MGAT1: variants seen among roughly 807,000 people sequenced by gnomAD.
MGAT1 encodes the protein alpha-1,3-mannosyl-glycoprotein 2-beta-N-acetylglucosaminyltransferase, also known as N-glycosyl-oligosaccharide-glycoprotein N-acetylglucosaminyltransferase I.
In MGAT1, 14 loss-of-function variants were observed where a neutral mutation model predicts 31.7. The observed-to-expected ratio is 0.44, with a 90% CI of 0.29 to 0.69. MGAT1 has a LOEUF of 0.69. MGAT1 is among the 30% of genes least tolerant of loss of function. The pLI, the probability that MGAT1 is intolerant of heterozygous loss-of-function variation, is 0.12. For synonymous variants in MGAT1, 338 were observed against 276.0 expected, an observed-to-expected ratio of 1.22 and a Z score of -2.23; for missense variants, 557 against 626.0, an observed-to-expected ratio of 0.89 and a Z score of 1.18.
Position 180,792,520 on chromosome 5 carries a change from G to C in MGAT1, c.452C>G (p.Ala151Gly). 1 of 1,613,014 alleles carries C rather than the reference G, an allele frequency of 6.2e-7. No homozygotes were observed. ...QDCGHEETAQAIASYGSAVTH... is the reference protein window; with the variant it reads ...QDCGHEETAQGIASYGSAVTH... Reference sequence around the variant, plus strand: ...GACCGCGCTGCCGTAGGAGGCGATGGCCTGGGCCGTCTCCTCGTGCCCGCA... The same window carrying C: ...GACCGCGCTGCCGTAGGAGGCGATGCCCTGGGCCGTCTCCTCGTGCCCGCA... The change falls in exon 2 of 2, where the codon GCC becomes GGC. Residue 151 changes from alanine (A) to glycine (G), a missense_variant. Transcript: ENST00000307826.
chr5:180,808,036 G>A lies in MGAT1; in HGVS notation c.-127+612C>T, dbSNP rs182522438. On this transcript the variant is annotated intron_variant, in intron 2 of 2. Transcript: ENST00000333055. ...GTCAGTTTTCCCCCATTTTGTAGGTGAAGAGAACATGGCCTGTGTAGGGTT... is the reference window on the plus strand; with the variant it reads ...GTCAGTTTTCCCCCATTTTGTAGGTAAAGAGAACATGGCCTGTGTAGGGTT... Among the ~76,000 whole-genome samples, 56 of 152,340 alleles carry A rather than the reference G, an allele frequency of 3.7e-4. 2 individuals are homozygous for A. In the East Asian group the frequency reaches 0.011, roughly 29 times the overall value.
At chr5:180,807,481 C>T (rs76424903), upstream of MGAT1, among the ~76,000 whole-genome samples, 511 of 152,182 alleles carry the variant, frequency 3.4e-3, 3 homozygotes, top group African/African-American at 0.011. Flanking sequence ...ATACAAAGGG[C>T]GAAGAGATGT....
Position 180,792,018 on chromosome 5 carries a change from A to T in MGAT1, c.954T>A (p.Gly318=). 1 of 1,613,934 alleles carries T rather than the reference A, an allele frequency of 6.2e-7. No homozygotes were observed. Among genetic ancestry groups the T allele is most frequent in the Non-Finnish European group, 8.5e-7 (1 of 1,179,990 alleles). ...GGTCAAAGAACTGCCCGTGGCTCAC[A>T]CCCTTGCGGCCAAAGGTCATCGTTC... The part of the protein sequence containing the change: ...ISRTMTFGRK[G]VSHGQFFDQH... The change falls in exon 2 of 2, where the codon GGT becomes GGA. Residue 318 remains glycine (G), a synonymous_variant. Coordinates refer to ENST00000307826, the MANE Select transcript of MGAT1 (RefSeq NM_002406.4).
Position 180,792,404 on chromosome 5 carries a change from G to A in MGAT1, c.568C>T (p.Arg190Cys), listed in dbSNP as rs375119923. 2 of 1,610,428 alleles carry A rather than the reference G, an allele frequency of 1.2e-6. No homozygotes were observed. The highest frequency in any genetic ancestry group is 1.7e-6 in the Non-Finnish European group (2 of 1,177,770). The change falls in exon 2 of 2, where the codon CGC becomes TGC. Residue 190 changes from arginine (R) to cysteine (C), a missense_variant. Around this residue, in one of 3 missense-constraint regions of MGAT1, gnomAD observed 245 missense variants for 332.9 expected, o/e 0.74. Transcript: ENST00000307826. ...QGYYKIARHYRWALGQVFRQF... is the reference protein window; with the variant it reads ...QGYYKIARHYCWALGQVFRQF... ...CGGAAGACCTGGCCCAGCGCCCAGC[G>A]GTAGTGGCGCGCGATCTTGTAGTAG...
At position 180,787,920 on chromosome 5, in the gene MGAT1, G is replaced by A. The variant is rs1767684719; in HGVS notation, c.*3714C>T. 1 of 152,470 alleles carries A rather than the reference G, an allele frequency of 6.6e-6. No individual in the cohort carries two copies. Among genetic ancestry groups the A allele is most frequent in the Non-Finnish European group, 1.5e-5 (1 of 68,214 alleles). The allele number at this position is 152,470 out of a possible 1,614,324, so 9.4% of individuals were successfully genotyped here. On this transcript the variant is annotated 3_prime_UTR_variant, in exon 2 of 2. Coordinates refer to ENST00000307826, the MANE Select transcript of MGAT1 (RefSeq NM_002406.4). ...TTGCAAAGGCCAAGAGGCTTGAGGAGGGAAGGCTGCCCGGAAGGCAGTCTG... is the reference window on the plus strand; with the variant it reads ...TTGCAAAGGCCAAGAGGCTTGAGGAAGGAAGGCTGCCCGGAAGGCAGTCTG...
chr5:180,800,564 C>G (rs76487018), intron 1 of MGAT1, among the ~76,000 whole-genome samples: 3,742 of 152,302 alleles, frequency 0.025, 73 homozygotes, highest in Middle Eastern at 0.054. Flanking sequence ...TGGAAATGTC[C>G]TGGAAGTGGT....
Position 180,791,582 on chromosome 5 carries a change from C to A in MGAT1, c.*52G>T. The A allele has an allele frequency of 6.3e-7, 1 of 1,582,704 alleles. No homozygotes were observed. Among genetic ancestry groups the A allele is most frequent in the South Asian group, 1.2e-5 (1 of 86,928 alleles). On this transcript the variant is annotated 3_prime_UTR_variant, in exon 2 of 2. Transcript: ENST00000307826. ...CCGATGCAGCCTGGGGACTGTGGTC[C>A]CACCTCAGCTCATGATGTGGCAAGG...
intron 1 of MGAT1, among the ~76,000 whole-genome samples, chr5:180,801,375 T>C (rs1024344567): frequency 7.9e-5 from 12 of 152,142 alleles, no homozygotes; most frequent in African/African-American, 2.9e-4. Context: ...ACGTAAAAAT[T>C]CCAGAAAATA....
rs1769470296 is a variant in MGAT1 at position 180,796,725 on chromosome 5, C to T, written c.-126-3628G>A. On this transcript the variant is annotated intron_variant, in intron 1 of 1. Coordinates refer to ENST00000307826, the MANE Select transcript of MGAT1 (RefSeq NM_002406.4). ...CTCCCAGGCTCAAGCGACTCTCTTG[C>T]CTCAGCCTCCCGAGTATCTGGGATT... Among the ~76,000 whole-genome samples, 3 of 152,210 alleles carry T rather than the reference C, an allele frequency of 2.0e-5. No individual in the cohort carries two copies. In the South Asian group the frequency reaches 6.2e-4, roughly 32 times the overall value.
rs1479116463 is a variant in MGAT1, at chr5:180,792,468, G to A, written c.504C>T (p.Ser168=). Residue 168 remains serine, a synonymous_variant, in exon 2 of 2, where the codon AGC becomes AGT. Transcript: ENST00000307826. ...GGTGGTCCGGCGGCACCGCAATGCT[G>A]CTCAGGTCGGGCTGCCGGATGTGCG... The part of the protein sequence containing the change: ...AVTHIRQPDL[S]SIAVPPDHRK... The A allele has an allele frequency of 1.2e-6, 2 of 1,612,852 alleles. No homozygotes were observed. Among genetic ancestry groups the A allele is most frequent in the South Asian group, 2.2e-5 (2 of 91,038 alleles).
chr5:180,811,506 C>T (rs1055062389), intron 1 of MGAT1: 2 of 152,110 alleles, frequency 1.3e-5, no homozygotes, highest in Non-Finnish European at 2.9e-5. Flanking sequence ...TTACTCAGGC[C>T]AGAACCAGAA....
chr5:180,811,586 T>G (rs1772571655), intron 1 of MGAT1, among the ~76,000 whole-genome samples: 1 of 150,346 alleles, frequency 6.7e-6, no homozygotes, highest in African/African-American at 2.4e-5. Context: ...ACCTTCAATC[T>G]GTGTCTAGGA....
At chr5:180,802,336 G>T (rs931444636) in intron 1 of MGAT1, among the ~76,000 whole-genome samples, 1 of 152,170 alleles carries the variant, frequency 6.6e-6, no homozygotes, top group African/African-American at 2.4e-5. Context: ...GTGAGGTTAG[G>T]GGGGAAAGGC....
At position 180,792,441 on chromosome 5, in the gene MGAT1, G is replaced by C. The variant is rs1429223396; in HGVS notation, c.531C>G (p.Arg177=). 1 of 1,612,266 alleles carries C rather than the reference G, an allele frequency of 6.2e-7. No individual in the cohort carries two copies. Among genetic ancestry groups the C allele is most frequent in the Non-Finnish European group, 8.5e-7 (1 of 1,179,320 alleles). The change falls in exon 2 of 2, where the codon CGC becomes CGG. Residue 177 remains arginine, a synonymous_variant. Coordinates refer to ENST00000307826, the MANE Select transcript of MGAT1 (RefSeq NM_002406.4). The stretch of plus-strand genomic sequence containing the variant: ...CGATCTTGTAGTAGCCCTGGAACTT[G>C]CGGTGGTCCGGCGGCACCGCAATGC... ...LSSIAVPPDH[R]KFQGYYKIAR...
Position 180,792,932 on chromosome 5 carries a change from C to A in MGAT1, c.40G>T (p.Ala14Ser). ...GCATTCCAGGCCACAAAGAGGATAG[C>A]GCCCCACAGCACAAGCCCTGCAGAC... is the stretch of plus-strand genomic sequence containing the variant. ...KQSAGLVLWG[A>S]ILFVAWNALL... The change falls in exon 2 of 2, where the codon GCT becomes TCT. Residue 14 changes from alanine (A) to serine (S), a missense_variant. Ala to Ser is a moderately conservative substitution (Grantham distance 99). This residue lies in a region of MGAT1 where 167 missense variants were observed against 149.8 expected (regional missense o/e 1.11). Transcript: ENST00000307826. 1 of 1,613,226 alleles carries A rather than the reference C, an allele frequency of 6.2e-7. No individual in the cohort carries two copies. The highest frequency in any genetic ancestry group is 2.2e-5 in the East Asian group (1 of 44,844).
At chr5:180,807,321 T>C (rs2113559065), upstream of MGAT1, among the ~76,000 whole-genome samples, 1 of 152,254 alleles carries the variant, frequency 6.6e-6, no homozygotes, top group South Asian at 2.1e-4. Context: ...TTCCCAACAC[T>C]GTGCTCTACC....
Position 180,787,454 on chromosome 5 carries a change from GTA to G in MGAT1, c.*4178_*4179del, listed in dbSNP as rs1159299252. ...GGGCAAGCTTCTGTTCTATACATTT[GTA>G]TGTTATTTAAAGTTACACAGCCAGA... On this transcript the variant is annotated 3_prime_UTR_variant, in exon 2 of 2. Transcript: ENST00000307826. 1 of 152,166 alleles carries G rather than the reference GTA, an allele frequency of 6.6e-6. No individual in the cohort carries two copies. Among genetic ancestry groups the G allele is most frequent in the Non-Finnish European group, 1.5e-5 (1 of 68,030 alleles). The allele number at this position is 152,166 out of a possible 1,614,324, so 9.4% of individuals were successfully genotyped here. A position where few individuals can be genotyped will look rare whatever the true frequency, so the allele number is the denominator to read the frequency against.
intron 1 of MGAT1, among the ~76,000 whole-genome samples, chr5:180,800,746 G>A (rs753501892): frequency 1.3e-4 from 20 of 152,246 alleles, no homozygotes; most frequent in Non-Finnish European, 2.2e-4. Flanking sequence ...TAGGTGGGAA[G>A]TGGACAATGT....
chr5:180,793,608 G>GA (rs1008314442), intron 1 of MGAT1, among the ~76,000 whole-genome samples: 5 of 150,818 alleles, frequency 3.3e-5, no homozygotes, highest in African/African-American at 4.9e-5. Context: ...AATGAACCAA[G>GA]AAAAAAAAAT....
Sources: gnomAD v4.1 joint callset for allele counts (sites outside exome capture counted in the v4.1 genomes callset) on GRCh38, gnomAD v4.1.1 for gene constraint, gnomAD v4.1.1 regional missense constraint, MANE v1.5 for transcripts, NCBI Gene and HGNC (gene_info 2026-07-23, HGNC 2026-07-21) for gene names.